The following STARD13 variants were observed in gnomAD, a reference collection of about 807,000 sequenced individuals.
STARD13 encodes stAR-related lipid transfer protein 13.
In STARD13, 62 loss-of-function variants were observed where a neutral mutation model predicts 106.4. The ratio of observed to expected loss-of-function variants is 0.58; its 90% confidence interval spans 0.48 to 0.72. STARD13 has a LOEUF of 0.72. Among genes scored for constraint, STARD13 ranks in the 30% least tolerant of loss-of-function variants. The pLI is 0.00. For missense variants in STARD13, 1,387 were observed against 1,424.0 expected, an observed-to-expected ratio of 0.97 and a Z score of 0.42; for synonymous variants, 565 against 553.0, an observed-to-expected ratio of 1.02 and a Z score of -0.31.
At chr13:33,456,603 C>T in the STARD13 span, among the ~76,000 whole-genome samples, 1 of 152,166 alleles carries the variant, frequency 6.6e-6, no homozygotes, top group Non-Finnish European at 1.5e-5. Context: ...TTGCTGTGTC[C>T]TCACATGGCC....
intron 1 of STARD13, among the ~76,000 whole-genome samples, chr13:33,207,910 A>G (rs1417581533): frequency 6.6e-6 from 1 of 152,092 alleles, no homozygotes; most frequent in Non-Finnish European, 1.5e-5. Flanking sequence ...TCCTGCTCCT[A>G]CCCTGCCTGG....
rs533022486 is a variant in STARD13 at position 33,223,923 on chromosome 13, T to C, written c.170-56301A>G. Among the ~76,000 whole-genome samples the C allele has an allele frequency of 1.8e-4, 27 of 152,188 alleles. 1 individual carries two copies. Among genetic ancestry groups the C allele is most frequent in the Non-Finnish European group, 3.7e-4 (25 of 68,030 alleles). On this transcript the variant is annotated intron_variant, in intron 1 of 13. Transcript: ENST00000336934. ...CTACATATTAAATGATCACTAAATA[T>C]TAACCATTATTCTCCCTAGCTTTAG... is the stretch of plus-strand genomic sequence containing the variant.
chr13:33,444,087 G>A, the STARD13 span, among the ~76,000 whole-genome samples: 4 of 152,128 alleles, frequency 2.6e-5, no homozygotes, highest in African/African-American at 9.7e-5. Flanking sequence ...CTTATTCACT[G>A]ATGTCAGTAT....
Position 33,129,787 on chromosome 13 carries a change from G to C in STARD13, c.890C>G (p.Ser297Cys). The C allele has an allele frequency of 6.2e-7, 1 of 1,613,900 alleles. No individual in the cohort carries two copies. Among genetic ancestry groups the C allele is most frequent in the Non-Finnish European group, 8.5e-7 (1 of 1,180,034 alleles). Residue 297 changes from serine (S) to cysteine (C), a missense_variant, in exon 5 of 14, where the codon TCC becomes TGC. Transcript: ENST00000336934. ...SGPMLQQEPESFKAMQCIQIP... is the reference protein window; with the variant it reads ...SGPMLQQEPECFKAMQCIQIP... ...TTGGATGCACTGCATAGCCTTAAAG[G>C]ACTCTGGCTCCTGCTGCAACATGGG...
chr13:33,215,529 C>T (rs1887990799), intron 1 of STARD13, among the ~76,000 whole-genome samples: 1 of 152,118 alleles, frequency 6.6e-6, no homozygotes, highest in Admixed American at 6.5e-5. Flanking sequence ...GAGTTTGGAT[C>T]CAGGATGCTC....
the STARD13 span, among the ~76,000 whole-genome samples, chr13:33,371,094 G>A: frequency 5.9e-3 from 902 of 152,214 alleles, 37 homozygotes; most frequent in Admixed American, 0.055. Context: ...AAAGGATTTC[G>A]TTATCTTTCC....
the STARD13 span, among the ~76,000 whole-genome samples, chr13:33,644,393 C>T: frequency 3.1e-4 from 47 of 152,302 alleles, no homozygotes; most frequent in Non-Finnish European, 5.4e-4. Flanking sequence ...TTGGGGGTAG[C>T]ATCACATAGG....
chr13:33,548,663 T>C, the STARD13 span, among the ~76,000 whole-genome samples: 4 of 152,324 alleles, frequency 2.6e-5, no homozygotes, highest in African/African-American at 9.6e-5. Flanking sequence ...AAGAAGATTA[T>C]ACCACCTCAT....
chr13:33,152,861 C>T (rs755369444), intron 3 of STARD13, among the ~76,000 whole-genome samples: 6 of 151,854 alleles, frequency 4.0e-5, no homozygotes, highest in South Asian at 4.2e-4. Flanking sequence ...CATGGGGAGC[C>T]GAAGAGCCCG....
chr13:33,306,661 A>G (rs1012116703), intron 1 of STARD13, among the ~76,000 whole-genome samples: 1 of 152,094 alleles, frequency 6.6e-6, no homozygotes, highest in South Asian at 2.1e-4. Flanking sequence ...CTAAAAAGTG[A>G]GCAAAGGACT....
chr13:33,548,706 CAAT>C, the STARD13 span, among the ~76,000 whole-genome samples: 1 of 152,068 alleles, frequency 6.6e-6, no homozygotes, highest in East Asian at 1.9e-4. Context: ...GAGAATTCAA[CAAT>C]GTTTGCTGTT....
chr13:33,193,733 C>T (rs1474741346), intron 1 of STARD13, among the ~76,000 whole-genome samples: 1 of 152,040 alleles, frequency 6.6e-6, no homozygotes, highest in African/African-American at 2.4e-5. Flanking sequence ...GTATTTGAAG[C>T]AGGAAAACAA....
chr13:33,533,510 G>A, the STARD13 span, among the ~76,000 whole-genome samples: 1 of 151,828 alleles, frequency 6.6e-6, no homozygotes, highest in African/African-American at 2.4e-5. Flanking sequence ...AAGTAGAGAA[G>A]AAATATTCCT....
chr13:33,388,300 G>GC, the STARD13 span, among the ~76,000 whole-genome samples: 4 of 152,206 alleles, frequency 2.6e-5, no homozygotes, highest in Non-Finnish European at 4.4e-5. Context: ...CAGGTTTAGA[G>GC]CAAGTAGCCA....
intron 9 of STARD13, among the ~76,000 whole-genome samples, chr13:33,112,468 CTATT>C (rs1330450379): frequency 6.6e-6 from 1 of 152,188 alleles, no homozygotes; most frequent in Admixed American, 6.5e-5. Context: ...TATCAATCAT[CTATT>C]TATCTCTCTT....
intron 1 of STARD13, among the ~76,000 whole-genome samples, chr13:33,250,264 G>A (rs1566098162): frequency 6.6e-6 from 1 of 152,138 alleles, no homozygotes; most frequent in Non-Finnish European, 1.5e-5. Flanking sequence ...ACTTTGGGGG[G>A]CCAATTATCT....
At chr13:33,585,120 A>G in the STARD13 span, among the ~76,000 whole-genome samples, 1 of 152,250 alleles carries the variant, frequency 6.6e-6, no homozygotes, top group Non-Finnish European at 1.5e-5. Context: ...GGAAAAGAAG[A>G]CAAAATAACA....
At chr13:33,133,464 GA>G (rs147541247) in intron 4 of STARD13, among the ~76,000 whole-genome samples, 14,391 of 148,410 alleles carry the variant, frequency 0.097, 833 homozygotes, top group East Asian at 0.27. Flanking sequence ...ATGCAACAGA[GA>G]AAAAAAACGA....
At chr13:33,608,952 G>A in the STARD13 span, among the ~76,000 whole-genome samples, 4 of 151,702 alleles carry the variant, frequency 2.6e-5, no homozygotes, top group African/African-American at 9.7e-5. Flanking sequence ...CGGGCGTGGT[G>A]GCGGGCGCCT....
Sources: gnomAD v4.1 joint callset for allele counts (sites outside exome capture counted in the v4.1 genomes callset) on GRCh38, gnomAD v4.1.1 for gene constraint, MANE v1.5 for transcripts, NCBI Gene and HGNC (gene_info 2026-07-23, HGNC 2026-07-21) for gene names.